Variants in SCAMP2 observed in about 807,000 individuals in gnomAD.
The protein encoded by SCAMP2 is secretory carrier membrane protein 2, also known as secretory carrier-associated membrane protein 2.
A neutral mutation model predicts 44.1 loss-of-function variants in SCAMP2; 25 were observed. The ratio of observed to expected loss-of-function variants is 0.57; its 90% CI spans 0.41 to 0.79. The LOEUF (loss-of-function observed/expected upper bound fraction) is 0.79. SCAMP2 is among the 30% of genes least tolerant of loss of function. The pLI is 0.00. For synonymous variants in SCAMP2, 156 were observed against 166.0 expected, an observed-to-expected ratio of 0.94 and a Z score of 0.46; for missense variants, 355 against 411.0, an observed-to-expected ratio of 0.86 and a Z score of 1.18.
chr15:74,850,126 A>C (rs1028313499), intron 6 of SCAMP2, among the ~76,000 whole-genome samples: 8 of 152,210 alleles, frequency 5.3e-5, no homozygotes, highest in African/African-American at 1.7e-4. Context: ...ATAGTCATGG[A>C]GAAAGAGCCC....
At chr15:74,870,377 C>T (rs1375725268) in intron 1 of SCAMP2, among the ~76,000 whole-genome samples, 1 of 152,182 alleles carries the variant, frequency 6.6e-6, no homozygotes, top group Non-Finnish European at 1.5e-5. Flanking sequence ...CTGACTTCCT[C>T]TCTGTCAGAC....
At chr15:74,849,891 CTG>C (rs2064424097) in intron 6 of SCAMP2, among the ~76,000 whole-genome samples, 6 of 152,236 alleles carry the variant, frequency 3.9e-5, no homozygotes, top group Admixed American at 3.9e-4. Flanking sequence ...ACTTCCATCT[CTG>C]TGTCCTTGAG....
At chr15:74,845,301 T>A in intron 8 of SCAMP2, 84 bp from the exon 9 acceptor site, 5 of 1,586,488 alleles carry the variant, frequency 3.2e-6, no homozygotes, top group East Asian at 2.2e-5. Flanking sequence ...CCCAAAGGGG[T>A]CACCAGAAGC....
At chr15:74,847,975 C>T (rs2064410667) in intron 7 of SCAMP2, among the ~76,000 whole-genome samples, 2 of 152,158 alleles carry the variant, frequency 1.3e-5, no homozygotes, top group Middle Eastern at 3.4e-3. Context: ...GAAGAGGCTG[C>T]AATCCAGTGC....
chr15:74,850,565 AAGATC>A lies in SCAMP2; in HGVS notation c.576_580del (p.Ile193HisfsTer14), dbSNP rs1239493404. 6.2e-7 allele frequency: 1 copy of A among 1,614,152 alleles called. No homozygotes were observed. ...CCAACAAAGGAAGGCACAGGGAGTGAAGATCAGAAACCACAGGATGGAGAGGCCAA... is the reference window on the plus strand; with the variant it reads ...CCAACAAAGGAAGGCACAGGGAGTGAAGAAACCACAGGATGGAGAGGCCAA... On this transcript the variant is annotated frameshift_variant, in exon 6 of 9. Transcript: ENST00000268099. LOFTEE classifies it high-confidence loss of function.
At chr15:74,869,388 G>A (rs1471556753) in intron 1 of SCAMP2, among the ~76,000 whole-genome samples, 4 of 152,148 alleles carry the variant, frequency 2.6e-5, no homozygotes, top group Middle Eastern at 3.4e-3. Flanking sequence ...CCCTCACACT[G>A]GAGAAAAAAT....
chr15:74,864,119 T>C (rs1034291827), intron 1 of SCAMP2, among the ~76,000 whole-genome samples: 4 of 152,228 alleles, frequency 2.6e-5, no homozygotes, highest in Admixed American at 6.5e-5. Context: ...TGGAGTGCAG[T>C]GGCGTGATCT....
intron 1 of SCAMP2, among the ~76,000 whole-genome samples, chr15:74,861,779 T>C (rs980472302): frequency 1.3e-5 from 2 of 151,038 alleles, no homozygotes; most frequent in African/African-American, 4.9e-5. Context: ...CGGGCGCCTG[T>C]AGTCCCAGCT....
intron 7 of SCAMP2, among the ~76,000 whole-genome samples, chr15:74,846,469 A>AG (rs2064400508): frequency 6.6e-6 from 1 of 151,104 alleles, no homozygotes; most frequent in Non-Finnish European, 1.5e-5. Context: ...AAAAGAAAAG[A>AG]AAAAAGAAAA....
At position 74,844,167 on chromosome 15, in the gene SCAMP2, A is replaced by G; in HGVS notation, c.*916T>C. ...GCATGGGCGGGGCAGGTGGCATCTG[A>G]GGCAGAGACAAAGGCAGCCGTCCCT... On this transcript the variant is annotated 3_prime_UTR_variant, in exon 9 of 9. Coordinates refer to ENST00000268099, the MANE Select transcript of SCAMP2 (RefSeq NM_005697.5). The G allele has an allele frequency of 7.5e-6, 1 of 133,610 alleles. No individual in the cohort carries two copies. Among genetic ancestry groups the G allele is most frequent in the Admixed American group, 8.5e-5 (1 of 11,772 alleles). The allele number at this position is 133,610 out of a possible 1,614,324, so 8.3% of individuals were successfully genotyped here.
chr15:74,860,685 T>TA (rs34842935), intron 1 of SCAMP2, among the ~76,000 whole-genome samples: 6,578 of 89,478 alleles, frequency 0.074, 673 homozygotes, highest in African/African-American at 0.23. Flanking sequence ...AGACTCCATT[T>TA]AAAAAAAAAA....
rs150267702 is a variant in SCAMP2 at position 74,869,379 on chromosome 15, C to G, written c.57+3820G>C. ...GCACAAGATCTGTATTATTCCATCCCCTCACACTGGAGAAAAAATGTAGCT... is the reference window on the plus strand; with the variant it reads ...GCACAAGATCTGTATTATTCCATCCGCTCACACTGGAGAAAAAATGTAGCT... On this transcript the variant is annotated intron_variant, in intron 1 of 8. Coordinates refer to ENST00000268099, the MANE Select transcript of SCAMP2 (RefSeq NM_005697.5). Among the ~76,000 whole-genome samples, 1,407 of 152,072 alleles carry G rather than the reference C, an allele frequency of 9.3e-3. 22 individuals are homozygous for G. Among genetic ancestry groups the G allele is most frequent in the African/African-American group, 0.032 (1,341 of 41,500 alleles).
chr15:74,845,146 G>A lies in SCAMP2; in HGVS notation c.927C>T (p.Phe309=). 1 of 1,614,052 alleles carries A rather than the reference G, an allele frequency of 6.2e-7. No individual in the cohort carries two copies. The highest frequency in any genetic ancestry group is 2.2e-5 in the East Asian group (1 of 44,882). ...QAQEEFSQGI[F]SSRTFHRAAS... is the part of the protein sequence containing the mutation. The stretch of plus-strand genomic sequence containing the variant: ...CAGCTCTGTGGAAGGTTCTGCTGCT[G>A]AAGATGCCCTGGGAAAACTCCTCCT... The change falls in exon 9 of 9, where the codon TTC becomes TTT. Residue 309 remains phenylalanine, a synonymous_variant. Coordinates refer to ENST00000268099, the MANE Select transcript of SCAMP2 (RefSeq NM_005697.5).
At chr15:74,865,118 C>T (rs1196834909) in intron 1 of SCAMP2, among the ~76,000 whole-genome samples, 3 of 143,942 alleles carry the variant, frequency 2.1e-5, no homozygotes, top group South Asian at 4.4e-4. Flanking sequence ...CAGTTGCTCA[C>T]GCCTGTAATC....
intron 1 of SCAMP2, among the ~76,000 whole-genome samples, chr15:74,867,919 G>A (rs2064553545): frequency 6.6e-6 from 1 of 152,222 alleles, no homozygotes; most frequent in African/African-American, 2.4e-5. Context: ...TGCTGAGTGG[G>A]AAAGCAGCCC....
chr15:74,873,215 T>G lies in SCAMP2; in HGVS notation c.41A>C (p.Asp14Ala), dbSNP rs1420316146. The G allele has an allele frequency of 1.4e-6, 2 of 1,457,154 alleles. No individual in the cohort carries two copies. Among genetic ancestry groups the G allele is most frequent in the African/African-American group, 3.0e-5 (2 of 66,336 alleles). The allele number at this position is 1,457,154 out of a possible 1,614,324, so 90.3% of individuals were successfully genotyped here. A position where few individuals can be genotyped will look rare whatever the true frequency, so the allele number is the denominator to read the frequency against. ...GGGCTCTACCTGGAAGGGGTTTACATCCACTGGGTCCGCGAAGGGGTTGGT... is the reference window on the plus strand; with the variant it reads ...GGGCTCTACCTGGAAGGGGTTTACAGCCACTGGGTCCGCGAAGGGGTTGGT... The part of the protein sequence containing the change: ...FDTNPFADPV[D>A]VNPFQDPSVT... Residue 14 changes from aspartate (D) to alanine (A), a missense_variant, in exon 1 of 9, where the codon GAT becomes GCT. Asp to Ala is a moderately radical substitution (Grantham distance 126, BLOSUM62 -2). Coordinates refer to ENST00000268099, the MANE Select transcript of SCAMP2 (RefSeq NM_005697.5).
intron 4 of SCAMP2, among the ~76,000 whole-genome samples, chr15:74,851,692 C>T (rs945423600): frequency 6.6e-6 from 1 of 152,156 alleles, no homozygotes; most frequent in African/African-American, 2.4e-5. Flanking sequence ...AGATAAAAGA[C>T]CCCAAATGCA....
intron 1 of SCAMP2, among the ~76,000 whole-genome samples, chr15:74,858,669 G>A (rs996984780): frequency 6.6e-6 from 1 of 152,006 alleles, no homozygotes; most frequent in Non-Finnish European, 1.5e-5. Flanking sequence ...AAAGCATCTC[G>A]AAGCCTGGTA....
rs1311850981 is a variant in SCAMP2 at position 74,852,316 on chromosome 15, C to T, written c.226-130G>A. On this transcript the variant is annotated intron_variant, in intron 3 of 8. Coordinates refer to ENST00000268099, the MANE Select transcript of SCAMP2 (RefSeq NM_005697.5). The stretch of plus-strand genomic sequence containing the variant: ...ATCAAGGAGTCCCAGAAGCAGTCCC[C>T]GCCCCACAGAGTGTCTTAGGTACCA... The T allele has an allele frequency of 1.9e-5, 10 of 539,542 alleles. No homozygotes were observed. The South Asian group carries it at 1.9e-4, about 10-fold the overall frequency. 33.4% of individuals were successfully genotyped at this position (539,542 alleles called of 1,614,324 possible). A position where few individuals can be genotyped will look rare whatever the true frequency, so the allele number is the denominator to read the frequency against.
Sources: allele counts gnomAD v4.1 joint callset (sites outside exome capture counted in the v4.1 genomes callset), GRCh38; gene constraint gnomAD v4.1.1; transcripts MANE v1.5; gene names NCBI Gene and HGNC (gene_info 2026-07-23, HGNC 2026-07-21).